Variants in ARNT observed in about 807,000 individuals in gnomAD.
ARNT encodes aryl hydrocarbon receptor nuclear translocator.
Under a neutral mutation model 105.0 loss-of-function variants are expected in ARNT, and 30 were observed. The ratio of observed to expected loss-of-function variants is 0.29; its 90% confidence interval spans 0.21 to 0.39. ARNT has a LOEUF of 0.39. Among genes scored for constraint, ARNT ranks in the 10% least tolerant of loss-of-function variants. ARNT has a pLI of 1.00. For synonymous variants in ARNT, 304 were observed against 344.0 expected (o/e 0.88, Z 1.29); for missense variants, 748 against 978.7 (o/e 0.76, Z 3.15).
chr1:150,824,933 G>T (rs1377080257), intron 13 of ARNT, among the ~76,000 whole-genome samples: 2 of 151,786 alleles, frequency 1.3e-5, no homozygotes, highest in Non-Finnish European at 1.5e-5. Flanking sequence ...GCAATCTTGG[G>T]TCACTGCAAC....
Position 150,813,236 on chromosome 1 carries a change from C to G in ARNT, c.2216G>C (p.Ser739Thr). 6.2e-7 allele frequency: 1 copy of G among 1,613,910 alleles called. No homozygotes were observed. Among genetic ancestry groups the G allele is most frequent in the Non-Finnish European group, 8.5e-7 (1 of 1,179,938 alleles). ...WQGQQPHHRSSSSEQHVQQPP... is the reference protein window; with the variant it reads ...WQGQQPHHRSTSSEQHVQQPP... ...TTGTTGAACATGTTGCTCACTAGAA[C>G]TTGAACGATGATGAGGCTGCTGGCC... Residue 739 changes from serine (S) to threonine (T), a missense_variant, in exon 21 of 22, where the codon AGT (serine) becomes ACT (threonine). By Grantham distance (58) the Ser-to-Thr change is moderately conservative. Transcript: ENST00000358595.
intron 5 of ARNT, among the ~76,000 whole-genome samples, chr1:150,840,257 C>CA (rs145024351): frequency 0.065 from 9,804 of 151,362 alleles, 1,088 homozygotes; most frequent in African/African-American, 0.22. Flanking sequence ...AAACAAAAAA[C>CA]AAAAAACAAG....
rs1029817852 is a variant in ARNT, at chr1:150,839,372, C to A, written c.486+69G>T. Reference sequence around the variant, plus strand: ...CTTCCTGAAAAGCTGAATTCTTGTCCAAAAAACGAAAACTTTCAAGAGATT... The same window carrying A: ...CTTCCTGAAAAGCTGAATTCTTGTCAAAAAAACGAAAACTTTCAAGAGATT... On this transcript the variant is annotated intron_variant, in intron 6 of 21. Coordinates refer to ENST00000358595, the MANE Select transcript of ARNT (RefSeq NM_001668.4). The A allele has an allele frequency of 5.1e-6, 8 of 1,561,318 alleles. No homozygotes were observed. The African/African-American group carries it at 8.2e-5, about 16-fold the overall frequency.
At chr1:150,845,805 G>A (rs183124649) in intron 4 of ARNT, among the ~76,000 whole-genome samples, 137 of 152,266 alleles carry the variant, frequency 9.0e-4, no homozygotes, top group Admixed American at 5.7e-3. Flanking sequence ...AGGAGGCTGA[G>A]GCAGGAGAAT....
At chr1:150,837,676 T>C (rs1380921873) in intron 6 of ARNT, among the ~76,000 whole-genome samples, 5 of 152,152 alleles carry the variant, frequency 3.3e-5, no homozygotes, top group Admixed American at 1.3e-4. Context: ...ACTTTCTTCC[T>C]GGGAAACCAT....
chr1:150,866,411 T>C (rs1407025418), intron 1 of ARNT, among the ~76,000 whole-genome samples: 1 of 152,238 alleles, frequency 6.6e-6, no homozygotes, highest in Non-Finnish European at 1.5e-5. Flanking sequence ...TATCTGATGC[T>C]GAAATTTCAG....
At chr1:150,860,744 T>C (rs1665491149) in intron 1 of ARNT, among the ~76,000 whole-genome samples, 1 of 151,770 alleles carries the variant, frequency 6.6e-6, no homozygotes, top group Non-Finnish European at 1.5e-5. Context: ...TAATCCCAGC[T>C]ACTCGGGAAG....
At chr1:150,865,810 T>A (rs1393738253) in intron 1 of ARNT, among the ~76,000 whole-genome samples, 1 of 152,218 alleles carries the variant, frequency 6.6e-6, no homozygotes, top group Non-Finnish European at 1.5e-5. Flanking sequence ...TTTCTTGGTT[T>A]ACTATCTCCT....
rs368819686 is a variant in ARNT at position 150,870,682 on chromosome 1, A to AT, written c.25+5860dup. Reference sequence around the variant, plus strand: ...CTACCACACCCTGCTAATTTTTTGTATTTTTTTGTACAGATGGGGTTTCAC... The same window carrying AT: ...CTACCACACCCTGCTAATTTTTTGTATTTTTTTTGTACAGATGGGGTTTCAC... On this transcript the variant is annotated intron_variant, in intron 1 of 21. Transcript: ENST00000358595. 1.3e-3 allele frequency among the ~76,000 whole-genome samples: 198 copies of AT among 151,652 alleles called. 1 individual carries two copies. The highest frequency in any genetic ancestry group is 4.6e-3 in the African/African-American group (189 of 41,374).
chr1:150,824,283 G>T (rs1227051784), intron 13 of ARNT, among the ~76,000 whole-genome samples: 1 of 151,678 alleles, frequency 6.6e-6, no homozygotes, highest in Non-Finnish European at 1.5e-5. Context: ...TTTCCAGGAA[G>T]GAAAAGACTG....
intron 1 of ARNT, among the ~76,000 whole-genome samples, chr1:150,872,316 A>G (rs1490046294): frequency 6.6e-6 from 1 of 152,186 alleles, no homozygotes; most frequent in Non-Finnish European, 1.5e-5. Context: ...CATATCTGAA[A>G]AAGGTAAATA....
At chr1:150,849,555 G>C (rs990855520) in intron 3 of ARNT, among the ~76,000 whole-genome samples, 6 of 152,188 alleles carry the variant, frequency 3.9e-5, no homozygotes, top group Non-Finnish European at 8.8e-5. Flanking sequence ...GAAGGCCAAG[G>C]TGGGAGGATT....
rs1008498926 is a variant in ARNT, at chr1:150,863,899, C to T, written c.26-5439G>A. On this transcript the variant is annotated intron_variant, in intron 1 of 21. Transcript: ENST00000358595. Reference sequence around the variant, plus strand: ...AAGTCTAAAGGGAGATATGAAAATACAGTTATGTATCACTTAACAACAGGG... The same window carrying T: ...AAGTCTAAAGGGAGATATGAAAATATAGTTATGTATCACTTAACAACAGGG... Among the ~76,000 whole-genome samples the T allele has an allele frequency of 6.1e-5, 9 of 148,726 alleles. No individual in the cohort carries two copies. The Admixed American group carries it at 6.1e-4, about 10-fold the overall frequency.
intron 2 of ARNT, among the ~76,000 whole-genome samples, chr1:150,855,650 C>T (rs587692060): frequency 6.6e-6 from 1 of 151,552 alleles, no homozygotes; most frequent in Admixed American, 6.6e-5. Context: ...GTCTGTAATC[C>T]CAACACTTTA....
intron 12 of ARNT, among the ~76,000 whole-genome samples, chr1:150,828,349 T>G (rs1658684091): frequency 1.5e-5 from 1 of 67,090 alleles, no homozygotes; most frequent in South Asian, 7.7e-4. Flanking sequence ...GTTTTTTTTT[T>G]GTTTTTTTTT....
At chr1:150,829,641 G>C in intron 11 of ARNT, 1 of 556,514 alleles carries the variant, frequency 1.8e-6, no homozygotes, top group South Asian at 2.0e-5. Flanking sequence ...AGGGGCAAAG[G>C]AAATTAACTG....
chr1:150,875,999 C>A (rs1184930940), intron 1 of ARNT, among the ~76,000 whole-genome samples: 1 of 152,036 alleles, frequency 6.6e-6, no homozygotes, highest in East Asian at 1.9e-4. Context: ...ACGGGGGTTG[C>A]GGGTGGGAGG....
intron 19 of ARNT, 47 bp downstream of exon 19, chr1:150,816,208 CCAAA>C (rs751836435): frequency 1.0e-5 from 16 of 1,548,120 alleles, no homozygotes; most frequent in South Asian, 2.5e-5. Context: ...GGAAAAAAGC[CCAAA>C]CAAACAAAAA....
In ARNT at chr1:150,856,177, G is replaced by A. The variant is rs978592375; in HGVS notation, c.137+2172C>T. Reference sequence around the variant, plus strand: ...AAATATGGGCCGGGTGCAGTGGCTCGTGCCTGTAATCCCGCACTTCGGGAG... The same window carrying A: ...AAATATGGGCCGGGTGCAGTGGCTCATGCCTGTAATCCCGCACTTCGGGAG... On this transcript the variant is annotated intron_variant, in intron 2 of 21. Transcript: ENST00000358595. Among the ~76,000 whole-genome samples the A allele has an allele frequency of 3.3e-5, 5 of 152,040 alleles. No homozygotes were observed. The East Asian group carries it at 7.7e-4, about 23-fold the overall frequency.
Sources: allele counts gnomAD v4.1 joint callset (sites outside exome capture counted in the v4.1 genomes callset), GRCh38; gene constraint gnomAD v4.1.1; transcripts MANE v1.5; gene names NCBI Gene and HGNC (gene_info 2026-07-23, HGNC 2026-07-21).